TCF7L2: variants seen among roughly 807,000 people sequenced by gnomAD.
The protein encoded by TCF7L2 is transcription factor 7-like 2.
A neutral mutation model predicts 77.9 loss-of-function variants in TCF7L2; 23 were observed. The ratio of observed to expected loss-of-function variants is 0.30; its 90% CI spans 0.21 to 0.42. TCF7L2 has a LOEUF of 0.42. Among genes scored for constraint, TCF7L2 ranks in the 10% least tolerant of loss-of-function variants. The pLI, the probability that TCF7L2 is intolerant of heterozygous loss-of-function variation, is 1.00. For missense variants in TCF7L2, 654 were observed against 793.1 expected, an observed-to-expected ratio of 0.82 and a Z score of 2.11; for synonymous variants, 413 against 340.2, an observed-to-expected ratio of 1.21 and a Z score of -2.36.
chr10:113,154,770 C>T (rs975775318), intron 11 of TCF7L2, among the ~76,000 whole-genome samples: 2 of 152,096 alleles, frequency 1.3e-5, no homozygotes, highest in African/African-American at 2.4e-5. Context: ...ACTCCTGAGA[C>T]GATTTGAGGT....
chr10:112,973,147 A>G (rs7901275), intron 4 of TCF7L2, among the ~76,000 whole-genome samples: 1 of 151,984 alleles, frequency 6.6e-6, no homozygotes, highest in Non-Finnish European at 1.5e-5. Context: ...CACAAGCTCA[A>G]GTATCACCTG....
intron 4 of TCF7L2, among the ~76,000 whole-genome samples, chr10:113,036,557 T>C (rs2051290496): frequency 6.6e-6 from 1 of 152,134 alleles, no homozygotes; most frequent in African/African-American, 2.4e-5. Flanking sequence ...AAGCTTAACT[T>C]AAGCTCCCTG....
chr10:113,035,019 TTCTC>T (rs1262876817), intron 4 of TCF7L2, among the ~76,000 whole-genome samples: 1 of 151,924 alleles, frequency 6.6e-6, no homozygotes, highest in Admixed American at 6.6e-5. Context: ...TTCCTTTCTT[TTCTC>T]TCTTTCTCTC....
chr10:113,144,878 C>G (rs1222765896), intron 7 of TCF7L2, among the ~76,000 whole-genome samples: 1 of 152,166 alleles, frequency 6.6e-6, no homozygotes, highest in African/African-American at 2.4e-5. Flanking sequence ...TTTGCATGAG[C>G]ATGTGTGTAA....
chr10:113,136,461 G>A (rs1476575890), intron 5 of TCF7L2, among the ~76,000 whole-genome samples: 2 of 152,194 alleles, frequency 1.3e-5, no homozygotes, highest in Non-Finnish European at 2.9e-5. Flanking sequence ...AGAATCCGTT[G>A]TCATCATGTT....
chr10:113,106,531 T>C (rs1252105727), intron 5 of TCF7L2, among the ~76,000 whole-genome samples: 7 of 152,216 alleles, frequency 4.6e-5, no homozygotes, highest in African/African-American at 1.7e-4. Flanking sequence ...TATTTTCCAC[T>C]TGAAATCCTG....
chr10:113,096,120 A>G (rs1034009896), intron 5 of TCF7L2, among the ~76,000 whole-genome samples: 5 of 152,168 alleles, frequency 3.3e-5, no homozygotes, highest in Non-Finnish European at 7.4e-5. Flanking sequence ...TGTATTCCAT[A>G]TAGGGTTTCC....
chr10:113,090,016 A>ACAAT (rs1170570380), intron 5 of TCF7L2, among the ~76,000 whole-genome samples: 1 of 152,228 alleles, frequency 6.6e-6, no homozygotes, highest in Non-Finnish European at 1.5e-5. Flanking sequence ...CTTTGCCTCG[A>ACAAT]CAATACCTAC....
At chr10:113,011,921 A>G (rs1242710767) in intron 4 of TCF7L2, among the ~76,000 whole-genome samples, 2 of 151,872 alleles carry the variant, frequency 1.3e-5, no homozygotes, top group African/African-American at 2.4e-5. Flanking sequence ...GCTGTTGAGC[A>G]TTACTACCTT....
At chr10:113,086,585 C>T (rs150437277) in intron 5 of TCF7L2, among the ~76,000 whole-genome samples, 41 of 152,308 alleles carry the variant, frequency 2.7e-4, no homozygotes, top group African/African-American at 9.9e-4. Flanking sequence ...GGGTTCACTC[C>T]ACTAAGCTAC....
At chr10:113,001,566 C>T (rs1171290162) in intron 4 of TCF7L2, among the ~76,000 whole-genome samples, 1 of 151,896 alleles carries the variant, frequency 6.6e-6, no homozygotes, top group Non-Finnish European at 1.5e-5. Context: ...CTAAACTTTA[C>T]TCAGGGCAGG....
At chr10:113,055,330 G>A (rs540745897) in intron 5 of TCF7L2, among the ~76,000 whole-genome samples, 2 of 152,154 alleles carry the variant, frequency 1.3e-5, no homozygotes, top group South Asian at 4.1e-4. Flanking sequence ...GGTATGCAAC[G>A]GCATCTTACC....
chr10:112,963,153 C>T (rs1270645231), intron 3 of TCF7L2, among the ~76,000 whole-genome samples: 1 of 152,072 alleles, frequency 6.6e-6, no homozygotes, highest in Non-Finnish European at 1.5e-5. Context: ...ATAAAATGAT[C>T]TCAGAGCCCA....
At chr10:113,003,030 A>G (rs2044772744) in intron 4 of TCF7L2, among the ~76,000 whole-genome samples, 1 of 152,246 alleles carries the variant, frequency 6.6e-6, no homozygotes, top group South Asian at 2.1e-4. Context: ...ATAGAAATAA[A>G]TTAATTTTTG....
intron 5 of TCF7L2, among the ~76,000 whole-genome samples, chr10:113,128,529 C>T (rs1192685608): frequency 6.6e-6 from 1 of 152,104 alleles, no homozygotes; most frequent in African/African-American, 2.4e-5. Context: ...CAGAAGAAAC[C>T]AAATCTTTGC....
At chr10:112,994,879 C>T (rs1326589945) in intron 4 of TCF7L2, among the ~76,000 whole-genome samples, 3 of 152,076 alleles carry the variant, frequency 2.0e-5, no homozygotes, top group Non-Finnish European at 4.4e-5. Context: ...GCGAGCAGAT[C>T]ACCTAAGGTC....
At chr10:113,031,398 C>A (rs934323066) in intron 4 of TCF7L2, among the ~76,000 whole-genome samples, 2 of 151,886 alleles carry the variant, frequency 1.3e-5, no homozygotes, top group Admixed American at 6.6e-5. Context: ...TGGGCCACTA[C>A]CAAGTTTCAT....
intron 5 of TCF7L2, among the ~76,000 whole-genome samples, chr10:113,108,520 T>C (rs1024973799): frequency 2.0e-5 from 3 of 151,878 alleles, no homozygotes; most frequent in Non-Finnish European, 1.5e-5. Context: ...AGAAAAGGAG[T>C]AGGACTCTAG....
intron 4 of TCF7L2, among the ~76,000 whole-genome samples, chr10:113,018,522 A>G (rs917666719): frequency 2.2e-5 from 3 of 138,136 alleles, no homozygotes; most frequent in Non-Finnish European, 4.5e-5. Flanking sequence ...GTCTCGGCTC[A>G]CTGCAACCGC....
Sources: allele counts gnomAD v4.1 joint callset (sites outside exome capture counted in the v4.1 genomes callset), GRCh38; gene constraint gnomAD v4.1.1; transcripts MANE v1.5; gene names NCBI Gene and HGNC (gene_info 2026-07-23, HGNC 2026-07-21).